Variants in KLRG1 observed in about 807,000 individuals in gnomAD.
The protein encoded by KLRG1 is killer cell lectin like receptor G1.
In KLRG1, 16 loss-of-function variants were observed where a neutral mutation model predicts 21.8. The observed-to-expected ratio is 0.73, with a 90% CI of 0.50 to 1.11. The LOEUF is 1.11. Among genes scored for constraint, KLRG1 ranks in the 50% most tolerant of loss-of-function variants. KLRG1 has a pLI of 0.00. For missense variants in KLRG1, 173 were observed against 218.3 expected (o/e 0.79, Z 1.31); for synonymous variants, 69 against 75.9 (o/e 0.91, Z 0.47).
downstream of KLRG1, chr12:9,010,757 A>G (rs1947619999): frequency 6.6e-6 from 1 of 152,252 alleles, no homozygotes; most frequent in Non-Finnish European, 1.5e-5. Context: ...AGTAAGAATG[A>G]AAACTGTTCA....
chr12:9,206,461 G>A, the KLRG1 span, among the ~76,000 whole-genome samples: 5 of 152,122 alleles, frequency 3.3e-5, no homozygotes, highest in Admixed American at 2.6e-4. Context: ...CTGCTAAAAT[G>A]TTTTAATATA....
chr12:9,101,708 T>G, the KLRG1 span: 3 of 1,469,506 alleles, frequency 2.0e-6, no homozygotes, highest in Middle Eastern at 2.1e-4. Context: ...TATTTTTAGA[T>G]TATACGTCAT....
the KLRG1 span, chr12:9,203,973 A>G: frequency 6.3e-7 from 1 of 1,581,632 alleles, no homozygotes; most frequent in Non-Finnish European, 8.6e-7. Context: ...AGAAGTCTAA[A>G]TTAGAGAAAA....
the KLRG1 span, among the ~76,000 whole-genome samples, chr12:9,023,762 C>T: frequency 6.6e-6 from 1 of 151,828 alleles, no homozygotes; most frequent in African/African-American, 2.4e-5. Context: ...CACCCTGTTG[C>T]TCAGACTTGT....
At chr12:9,067,944 TC>T in the KLRG1 span, 1 of 1,164,306 alleles carries the variant, frequency 8.6e-7, no homozygotes, top group Non-Finnish European at 1.3e-6. Context: ...GGAAACCTAA[TC>T]AGTACAGTGG....
At chr12:9,172,343 C>G in the KLRG1 span, among the ~76,000 whole-genome samples, 1 of 152,148 alleles carries the variant, frequency 6.6e-6, no homozygotes, top group Non-Finnish European at 1.5e-5. Context: ...CTGAAGAAAG[C>G]ACTACGTTTG....
At chr12:9,149,656 C>A in the KLRG1 span, 5 of 1,562,318 alleles carry the variant, frequency 3.2e-6, no homozygotes, top group Non-Finnish European at 4.4e-6. Context: ...AACTAGGGAC[C>A]ATGCTAAATC....
chr12:9,047,138 G>A, the KLRG1 span, among the ~76,000 whole-genome samples: 1 of 152,250 alleles, frequency 6.6e-6, no homozygotes, highest in African/African-American at 2.4e-5. Flanking sequence ...ACAGGCATGA[G>A]ACACCACACC....
intron 3 of KLRG1, among the ~76,000 whole-genome samples, chr12:9,001,941 A>G (rs1947318879): frequency 6.6e-6 from 1 of 152,214 alleles, no homozygotes; most frequent in African/African-American, 2.4e-5. Context: ...TTTGCTAAGC[A>G]TTAAATTATT....
chr12:9,156,016 C>T, the KLRG1 span: 1 of 174,856 alleles, frequency 5.7e-6, no homozygotes, highest in Middle Eastern at 8.9e-4. Flanking sequence ...TGCTTCTTGA[C>T]CTTTTGGCTA....
intron 1 of KLRG1, among the ~76,000 whole-genome samples, chr12:8,967,281 C>A: frequency 6.6e-6 from 1 of 151,840 alleles, no homozygotes. Flanking sequence ...CACATGTATA[C>A]ATATGTAACA....
the KLRG1 span, among the ~76,000 whole-genome samples, chr12:9,114,051 G>A: frequency 1.3e-5 from 2 of 152,176 alleles, no homozygotes; most frequent in Non-Finnish European, 2.9e-5. Flanking sequence ...TGGAATCTGA[G>A]CCTCAAAGAA....
chr12:9,106,155 A>G, the KLRG1 span: 16 of 794,258 alleles, frequency 2.0e-5, no homozygotes, highest in Non-Finnish European at 3.1e-5. Flanking sequence ...TTAACCAGGC[A>G]TGGTTTTAGC....
At chr12:9,179,230 A>G in the KLRG1 span, among the ~76,000 whole-genome samples, 4 of 152,154 alleles carry the variant, frequency 2.6e-5, no homozygotes, top group Non-Finnish European at 2.9e-5. Flanking sequence ...AAAACCCCAT[A>G]TTAGATATCA....
chr12:9,034,690 G>T, the KLRG1 span, among the ~76,000 whole-genome samples: 2 of 152,144 alleles, frequency 1.3e-5, no homozygotes, highest in African/African-American at 2.4e-5. Flanking sequence ...CAGATGATCC[G>T]CCCGCCTCGG....
At chr12:9,096,987 T>C in the KLRG1 span, among the ~76,000 whole-genome samples, 1 of 152,232 alleles carries the variant, frequency 6.6e-6, no homozygotes, top group African/African-American at 2.4e-5. Flanking sequence ...AAGACACTAA[T>C]CAAAGCTTGA....
the KLRG1 span, among the ~76,000 whole-genome samples, chr12:9,060,560 A>AG: frequency 6.6e-6 from 1 of 152,074 alleles, no homozygotes; most frequent in Non-Finnish European, 1.5e-5. Flanking sequence ...TGAACCTGGG[A>AG]GCAGAGGTTG....
chr12:9,068,918 G>T, the KLRG1 span: 1 of 1,035,598 alleles, frequency 9.7e-7, no homozygotes, highest in Non-Finnish European at 1.4e-6. Context: ...GTATTCACCT[G>T]TTTTTTGGGG....
chr12:9,129,412 A>G, the KLRG1 span, among the ~76,000 whole-genome samples: 2 of 152,096 alleles, frequency 1.3e-5, no homozygotes, highest in African/African-American at 4.8e-5. Flanking sequence ...TTCTCTGACT[A>G]TAAAAAGTAA....
Sources: gnomAD v4.1 joint callset for allele counts (sites outside exome capture counted in the v4.1 genomes callset) on GRCh38, gnomAD v4.1.1 for gene constraint, MANE v1.5 for transcripts, NCBI Gene and HGNC (gene_info 2026-07-23, HGNC 2026-07-21) for gene names.